RPS6KC1: variants seen among roughly 807,000 people sequenced by gnomAD.
The protein encoded by RPS6KC1 is ribosomal protein S6 kinase C1.
Under a neutral mutation model 103.8 loss-of-function variants are expected in RPS6KC1, and 54 were observed. That is an observed-to-expected ratio of 0.52 (90% CI 0.42 to 0.65). The LOEUF is 0.65. RPS6KC1 is among the 30% of genes least tolerant of loss of function. RPS6KC1 has a pLI of 0.00. For synonymous variants in RPS6KC1, 439 were observed against 438.7 expected (o/e 1.00, Z -0.01); for missense variants, 1,151 against 1,253.8 (o/e 0.92, Z 1.24).
the RPS6KC1 span, among the ~76,000 whole-genome samples, chr1:213,487,515 A>G: frequency 2.0e-5 from 3 of 152,174 alleles, no homozygotes; most frequent in Admixed American, 2.0e-4. Context: ...TTAAGGCCCA[A>G]GAATGATGAT....
intron 5 of RPS6KC1, among the ~76,000 whole-genome samples, chr1:213,126,779 A>G (rs2085038309): frequency 6.6e-6 from 1 of 152,200 alleles, no homozygotes; most frequent in Non-Finnish European, 1.5e-5. Flanking sequence ...GAACACAGCC[A>G]TGCTTATTCA....
the RPS6KC1 span, among the ~76,000 whole-genome samples, chr1:213,704,882 G>T: frequency 1.3e-5 from 2 of 152,264 alleles, no homozygotes; most frequent in African/African-American, 4.8e-5. Context: ...TAGAGATACT[G>T]TCTTAATGGC....
chr1:213,495,480 G>C, the RPS6KC1 span, among the ~76,000 whole-genome samples: 1 of 151,996 alleles, frequency 6.6e-6, no homozygotes, highest in Non-Finnish European at 1.5e-5. Context: ...TGCCACCATG[G>C]CTGGCTAATT....
At chr1:213,068,013 T>G (rs1280514304) in intron 1 of RPS6KC1, among the ~76,000 whole-genome samples, 1 of 152,216 alleles carries the variant, frequency 6.6e-6, no homozygotes, top group Non-Finnish European at 1.5e-5. Context: ...TTTAAAATAC[T>G]TAAGATATCT....
the RPS6KC1 span, among the ~76,000 whole-genome samples, chr1:213,691,330 TG>T: frequency 6.6e-6 from 1 of 152,228 alleles, no homozygotes; most frequent in African/African-American, 2.4e-5. Flanking sequence ...CTTATCTTCT[TG>T]CTTTTCTTTC....
the RPS6KC1 span, among the ~76,000 whole-genome samples, chr1:213,558,722 TA>T: frequency 1.3e-5 from 2 of 152,214 alleles, no homozygotes; most frequent in Non-Finnish European, 2.9e-5. Context: ...ACTGGATGTG[TA>T]AACAGACTGT....
At chr1:213,468,192 G>A in the RPS6KC1 span, among the ~76,000 whole-genome samples, 6 of 152,244 alleles carry the variant, frequency 3.9e-5, no homozygotes, top group Non-Finnish European at 7.3e-5. Context: ...GGCACTAAAT[G>A]AGTGGAACCT....
At chr1:213,659,186 A>G in the RPS6KC1 span, among the ~76,000 whole-genome samples, 1 of 152,020 alleles carries the variant, frequency 6.6e-6, no homozygotes, top group Non-Finnish European at 1.5e-5. Context: ...GCTGGTCTCG[A>G]ACTCCTGACC....
the RPS6KC1 span, among the ~76,000 whole-genome samples, chr1:213,466,581 T>C: frequency 6.6e-6 from 1 of 152,210 alleles, no homozygotes. Context: ...CTTCTGGTTG[T>C]ACATTTGTAC....
the RPS6KC1 span, among the ~76,000 whole-genome samples, chr1:213,650,088 G>A: frequency 3.3e-5 from 5 of 152,210 alleles, no homozygotes; most frequent in Non-Finnish European, 5.9e-5. Flanking sequence ...AGTGGATGCA[G>A]GAGCCCAGCC....
the RPS6KC1 span, chr1:213,821,654 C>T: frequency 6.6e-6 from 1 of 152,266 alleles, no homozygotes; most frequent in African/African-American, 2.4e-5. Flanking sequence ...TCACCTTGAT[C>T]CCCTGCAAAG....
At chr1:213,702,845 G>GTTTT in the RPS6KC1 span, among the ~76,000 whole-genome samples, 1 of 30,180 alleles carries the variant, frequency 3.3e-5, no homozygotes, top group African/African-American at 1.2e-4. Context: ...AGATCATTGA[G>GTTTT]GTTTTTTTTG....
chr1:213,360,142 C>A, the RPS6KC1 span, among the ~76,000 whole-genome samples: 2 of 152,164 alleles, frequency 1.3e-5, no homozygotes, highest in African/African-American at 4.8e-5. Context: ...TATAATATCC[C>A]GCAGAGTGTT....
chr1:213,125,629 TG>T (rs2084903383), intron 5 of RPS6KC1: 3 of 12,110 alleles, frequency 2.5e-4, no homozygotes, highest in Non-Finnish European at 1.1e-3. Flanking sequence ...TATCTGCTTG[TG>T]TGTGTGTGTG....
the RPS6KC1 span, among the ~76,000 whole-genome samples, chr1:213,428,197 A>C: frequency 0.026 from 4,013 of 152,258 alleles, 176 homozygotes; most frequent in African/African-American, 0.092. Flanking sequence ...AAGTTATATG[A>C]GAGAGTCTGG....
intron 3 of RPS6KC1, among the ~76,000 whole-genome samples, chr1:213,091,113 A>G (rs2080922165): frequency 6.6e-6 from 1 of 151,882 alleles, no homozygotes; most frequent in Non-Finnish European, 1.5e-5. Flanking sequence ...GCTGGAGTGT[A>G]GTGGCGTGAT....
chr1:213,529,314 G>A, the RPS6KC1 span, among the ~76,000 whole-genome samples: 2 of 152,164 alleles, frequency 1.3e-5, no homozygotes, highest in Non-Finnish European at 2.9e-5. Flanking sequence ...TGGTGGTGGG[G>A]AATGGGATGA....
At chr1:213,105,522 T>C (rs2082407637) in intron 4 of RPS6KC1, among the ~76,000 whole-genome samples, 1 of 152,184 alleles carries the variant, frequency 6.6e-6, no homozygotes, top group Non-Finnish European at 1.5e-5. Flanking sequence ...ATTTATTTTT[T>C]TCTGCCAGTG....
chr1:213,668,569 G>A, the RPS6KC1 span, among the ~76,000 whole-genome samples: 1 of 151,996 alleles, frequency 6.6e-6, no homozygotes, highest in African/African-American at 2.4e-5. Context: ...TTTTCAGAAC[G>A]ATCAGTGAGC....
Sources: gnomAD v4.1 joint callset for allele counts (sites outside exome capture counted in the v4.1 genomes callset) on GRCh38, gnomAD v4.1.1 for gene constraint, MANE v1.5 for transcripts, NCBI Gene and HGNC (gene_info 2026-07-23, HGNC 2026-07-21) for gene names.